Variants in NALF1 observed in about 807,000 individuals in gnomAD.
NALF1 encodes NALCN channel auxiliary factor 1, also known as family with sequence similarity 155 member A.
In NALF1, 3 loss-of-function variants were observed where a neutral mutation model predicts 48.4. The ratio of observed to expected loss-of-function variants is 0.06; its 90% CI spans 0.03 to 0.16. The LOEUF is 0.16. NALF1 is among the 10% of genes least tolerant of loss of function. The pLI, the probability that NALF1 is intolerant of heterozygous loss-of-function variation, is 1.00. For missense variants in NALF1, 526 were observed against 571.5 expected (o/e 0.92, Z 0.81); for synonymous variants, 262 against 245.7 (o/e 1.07, Z -0.62).
chr13:107,457,728 G>T (rs1884847294), intron 1 of NALF1, among the ~76,000 whole-genome samples: 1 of 152,198 alleles, frequency 6.6e-6, no homozygotes, highest in South Asian at 2.1e-4. Flanking sequence ...GAAAACAAAT[G>T]TTGAGACATT....
At chr13:107,650,394 T>TAAAAAAAAGAAA (rs1880422621) in intron 1 of NALF1, among the ~76,000 whole-genome samples, 1 of 107,650 alleles carries the variant, frequency 9.3e-6, no homozygotes, top group African/African-American at 3.2e-5. Context: ...CTGCAACCAT[T>TAAAAAAAAGAAA]AAAAAAAAAA....
chr13:107,749,013 C>T (rs1876857884), intron 1 of NALF1, among the ~76,000 whole-genome samples: 1 of 152,036 alleles, frequency 6.6e-6, no homozygotes, highest in Non-Finnish European at 1.5e-5. Context: ...ACATAACTAT[C>T]ATTATGCTTC....
chr13:107,244,359 A>G (rs16969917), intron 1 of NALF1, among the ~76,000 whole-genome samples: 21,363 of 152,224 alleles, frequency 0.14, 1,967 homozygotes, highest in East Asian at 0.4. Context: ...AATTAATGCC[A>G]CATCCCCTAT....
At chr13:107,464,740 G>A (rs1566353262) in intron 1 of NALF1, among the ~76,000 whole-genome samples, 1 of 152,086 alleles carries the variant, frequency 6.6e-6, no homozygotes, top group Non-Finnish European at 1.5e-5. Flanking sequence ...GGCTGGTCTA[G>A]AACTCCTGAT....
intron 1 of NALF1, among the ~76,000 whole-genome samples, chr13:107,264,354 C>T (rs1206423430): frequency 1.3e-5 from 2 of 152,152 alleles, no homozygotes; most frequent in Admixed American, 1.3e-4. Flanking sequence ...TAACTTCTAT[C>T]AGAAAGCCAT....
rs36027059 is a variant in NALF1 at position 107,262,769 on chromosome 13, G to GCGCGCGCTCTCT, written c.916-52015_916-52014insAGAGAGCGCGCG. The stretch of plus-strand genomic sequence containing the variant: ...ATATTAAGTTGCATAACCCACAGGC[G>GCGCGCGCTCTCT]CTCTCTCTCTCTCTCTCTCTCTCTC... On this transcript the variant is annotated intron_variant, in intron 1 of 2. Transcript: ENST00000375915. Among the ~76,000 whole-genome samples the GCGCGCGCTCTCT allele has an allele frequency of 9.9e-4, 142 of 144,102 alleles. 2 individuals are homozygous for GCGCGCGCTCTCT. Among genetic ancestry groups the GCGCGCGCTCTCT allele is most frequent in the South Asian group, 9.5e-3 (42 of 4,406 alleles). The allele number at this position is 144,102 out of a possible 152,430, so 94.5% of individuals were successfully genotyped here.
At chr13:107,178,891 G>A (rs953308472) in intron 2 of NALF1, among the ~76,000 whole-genome samples, 4 of 151,816 alleles carry the variant, frequency 2.6e-5, no homozygotes, top group South Asian at 2.1e-4. Flanking sequence ...CTTGCAGTGA[G>A]CCGCGATCCC....
Position 107,661,463 on chromosome 13 carries a change from A to C in NALF1, c.915+204219T>G, listed in dbSNP as rs541256499. Among the ~76,000 whole-genome samples the C allele has an allele frequency of 8.5e-5, 13 of 152,288 alleles. No homozygotes were observed. The East Asian group carries it at 2.3e-3, about 27-fold the overall frequency. On this transcript the variant is annotated intron_variant, in intron 1 of 2. Transcript: ENST00000375915. ...GATGTAGAGAAGACGTTATCACAGA[A>C]TGTCCAACAACCAAACTGGAGTCAC...
At chr13:107,826,613 C>T (rs1003578191) in intron 1 of NALF1, among the ~76,000 whole-genome samples, 1 of 152,178 alleles carries the variant, frequency 6.6e-6, no homozygotes, top group African/African-American at 2.4e-5. Flanking sequence ...TAGCAGACTC[C>T]TTTTAGCATT....
chr13:107,259,549 T>G (rs1880888934), intron 1 of NALF1, among the ~76,000 whole-genome samples: 1 of 152,194 alleles, frequency 6.6e-6, no homozygotes. Context: ...GTTTCTTTTG[T>G]CTGACATTAG....
At chr13:107,338,117 T>C (rs1208793193) in intron 1 of NALF1, among the ~76,000 whole-genome samples, 1 of 152,238 alleles carries the variant, frequency 6.6e-6, no homozygotes, top group East Asian at 1.9e-4. Flanking sequence ...CTTTTTAAAC[T>C]TAATGAAACG....
chr13:107,591,473 AT>A (rs1555310979), intron 1 of NALF1, among the ~76,000 whole-genome samples: 1 of 152,020 alleles, frequency 6.6e-6, no homozygotes, highest in Non-Finnish European at 1.5e-5. Context: ...TACTTACTTT[AT>A]TATACACATC....
At chr13:107,645,300 A>AT (rs1186185193) in intron 1 of NALF1, among the ~76,000 whole-genome samples, 1 of 152,136 alleles carries the variant, frequency 6.6e-6, no homozygotes, top group Admixed American at 6.5e-5. Flanking sequence ...AGGATATAGA[A>AT]GTATCAAAGT....
chr13:107,268,760 C>T (rs980463821), intron 1 of NALF1, among the ~76,000 whole-genome samples: 4 of 152,008 alleles, frequency 2.6e-5, no homozygotes, highest in Admixed American at 1.3e-4. Context: ...GTCCAGGGGA[C>T]GGTATTCCAG....
chr13:107,568,653 T>C (rs1234316909), intron 1 of NALF1, among the ~76,000 whole-genome samples: 1 of 152,240 alleles, frequency 6.6e-6, no homozygotes, highest in African/African-American at 2.4e-5. Flanking sequence ...AATAGATATG[T>C]ACTAATTTCT....
intron 1 of NALF1, among the ~76,000 whole-genome samples, chr13:107,325,828 G>T (rs1882341532): frequency 7.5e-6 from 1 of 133,308 alleles, no homozygotes; most frequent in Non-Finnish European, 1.6e-5. Context: ...GCATGAGAGA[G>T]AAACTGTGTC....
At chr13:107,217,007 G>A (rs530487553) in intron 1 of NALF1, among the ~76,000 whole-genome samples, 2 of 152,304 alleles carry the variant, frequency 1.3e-5, no homozygotes, top group South Asian at 2.1e-4. Flanking sequence ...TGTCTCCAGC[G>A]TTATGCAAAG....
chr13:107,251,244 T>C (rs113988033), intron 1 of NALF1, among the ~76,000 whole-genome samples: 42 of 152,260 alleles, frequency 2.8e-4, no homozygotes, highest in African/African-American at 7.7e-4. Flanking sequence ...TAAGAGCAGT[T>C]GTTAAGACCA....
At chr13:107,794,644 T>C (rs1471892309) in intron 1 of NALF1, among the ~76,000 whole-genome samples, 4 of 144,492 alleles carry the variant, frequency 2.8e-5, no homozygotes, top group Admixed American at 7.3e-5. Context: ...CATAATTGAG[T>C]TAAAAAAAAA....
Sources: allele counts gnomAD v4.1 joint callset (sites outside exome capture counted in the v4.1 genomes callset), GRCh38; gene constraint gnomAD v4.1.1; transcripts MANE v1.5; gene names NCBI Gene and HGNC (gene_info 2026-07-23, HGNC 2026-07-21).